The following DPP6 variants were observed in gnomAD, a reference collection of about 807,000 sequenced individuals.
The protein encoded by DPP6 is A-type potassium channel modulatory protein DPP6.
A neutral mutation model predicts 122.6 loss-of-function variants in DPP6; 69 were observed. The observed-to-expected ratio is 0.56, with a 90% CI of 0.46 to 0.69. DPP6 has a LOEUF of 0.69. Ranked by LOEUF, DPP6 falls within the 30% of genes least tolerant of loss-of-function variation. The pLI is 0.00. For synonymous variants in DPP6, 418 were observed against 433.1 expected, an observed-to-expected ratio of 0.97 and a Z score of 0.43; for missense variants, 928 against 1,116.9, an observed-to-expected ratio of 0.83 and a Z score of 2.41.
At chr7:154,766,697 A>C (rs1409785042) in intron 8 of DPP6, among the ~76,000 whole-genome samples, 1 of 152,220 alleles carries the variant, frequency 6.6e-6, no homozygotes, top group Non-Finnish European at 1.5e-5. Context: ...ACACTCTGGC[A>C]TTTGCTGATA....
At chr7:154,667,477 C>T (rs1488461366) in intron 6 of DPP6, among the ~76,000 whole-genome samples, 1 of 152,164 alleles carries the variant, frequency 6.6e-6, no homozygotes, top group Non-Finnish European at 1.5e-5. Context: ...CCTGTAATTC[C>T]AGCACTTTGG....
At position 153,966,857 on chromosome 7, in the gene DPP6, G is replaced by A. The variant is rs534543476; in HGVS notation, c.51+79123G>A. On this transcript the variant is annotated intron_variant, in intron 1 of 25. Coordinates refer to the DPP6 transcript ENST00000404039. ...TGAGACAGGCAGATCACTTGAGCTC[G>A]CAAATTCAAGTCCAGCCTGAGCAAC... Among the ~76,000 whole-genome samples the A allele has an allele frequency of 8.3e-3, 1,258 of 151,186 alleles. 9 individuals are homozygous for A. Among genetic ancestry groups the A allele is most frequent in the Non-Finnish European group, 0.015 (1,020 of 67,894 alleles).
chr7:154,000,586 G>A (rs1227779609), intron 1 of DPP6, among the ~76,000 whole-genome samples: 1 of 152,212 alleles, frequency 6.6e-6, no homozygotes, highest in African/African-American at 2.4e-5. Flanking sequence ...GAGTACAGAG[G>A]TTCCAGTCTC....
intron 5 of DPP6, among the ~76,000 whole-genome samples, chr7:154,585,438 G>C (rs1472540806): frequency 6.6e-6 from 1 of 152,182 alleles, no homozygotes; most frequent in Non-Finnish European, 1.5e-5. Flanking sequence ...AGAGAAGAAT[G>C]ACTTGCGAGG....
the DPP6 span, among the ~76,000 whole-genome samples, chr7:153,810,674 CTCTCT>C: frequency 2.0e-5 from 1 of 49,420 alleles, no homozygotes. Context: ...TCTCTCTCCT[CTCTCT>C]CTCTCTCTCT....
chr7:154,397,068 A>T (rs1253478662), intron 1 of DPP6, among the ~76,000 whole-genome samples: 1 of 151,804 alleles, frequency 6.6e-6, no homozygotes, highest in African/African-American at 2.4e-5. Context: ...TATTTTAAAT[A>T]ATCTAGTAAG....
intron 1 of DPP6, among the ~76,000 whole-genome samples, chr7:154,312,399 T>G (rs974332265): frequency 1.6e-4 from 24 of 152,268 alleles, no homozygotes; most frequent in African/African-American, 5.8e-4. Flanking sequence ...GCTGATATAA[T>G]GAAGTCTTGC....
intron 1 of DPP6, among the ~76,000 whole-genome samples, chr7:154,073,930 G>A (rs1380769329): frequency 1.3e-5 from 2 of 152,202 alleles, no homozygotes; most frequent in Non-Finnish European, 2.9e-5. Flanking sequence ...AGGTTGCAGT[G>A]AGCTGAGATT....
chr7:154,498,227 A>T (rs1179609117), intron 3 of DPP6, among the ~76,000 whole-genome samples: 1 of 152,242 alleles, frequency 6.6e-6, no homozygotes, highest in Non-Finnish European at 1.5e-5. Context: ...AGAGTGAGGT[A>T]CTTGGACTGA....
intron 1 of DPP6, among the ~76,000 whole-genome samples, chr7:153,935,920 A>G (rs1464368777): frequency 2.0e-5 from 3 of 152,198 alleles, no homozygotes; most frequent in Non-Finnish European, 4.4e-5. Context: ...TCACTCTCCA[A>G]AGGCCTGGCC....
At chr7:154,608,838 G>A (rs887149776) in intron 5 of DPP6, among the ~76,000 whole-genome samples, 6 of 151,994 alleles carry the variant, frequency 3.9e-5, no homozygotes, top group African/African-American at 1.4e-4. Context: ...TCTGAATTTG[G>A]TCACCTTTAG....
chr7:154,426,327 C>T (rs181856990), intron 1 of DPP6, among the ~76,000 whole-genome samples: 76 of 152,300 alleles, frequency 5.0e-4, no homozygotes, highest in Admixed American at 3.8e-3. Context: ...GATAGGACTA[C>T]TAGGGTCTAC....
chr7:154,597,241 G>A (rs189518022), intron 5 of DPP6, among the ~76,000 whole-genome samples: 3 of 152,054 alleles, frequency 2.0e-5, no homozygotes, highest in Non-Finnish European at 2.9e-5. Flanking sequence ...GAGACAGTGG[G>A]GGCCAGTAGG....
intron 16 of DPP6, among the ~76,000 whole-genome samples, chr7:154,832,736 T>A (rs933266215): frequency 2.6e-5 from 4 of 152,218 alleles, no homozygotes; most frequent in African/African-American, 9.6e-5. Context: ...CCTAAGTGTG[T>A]TGAACCCTAG....
intron 1 of DPP6, among the ~76,000 whole-genome samples, chr7:153,929,952 A>T (rs1801098038): frequency 6.6e-6 from 1 of 152,240 alleles, no homozygotes; most frequent in South Asian, 2.1e-4. Flanking sequence ...AGCATGATGC[A>T]GATGGCTATT....
intron 1 of DPP6, among the ~76,000 whole-genome samples, chr7:154,235,674 A>C (rs1801168456): frequency 6.6e-6 from 1 of 152,188 alleles, no homozygotes; most frequent in Non-Finnish European, 1.5e-5. Context: ...CTGTTCCAAA[A>C]GCTAGAATCC....
At chr7:154,872,737 G>A in intron 19 of DPP6, 44 bp downstream of exon 19, 2 of 1,565,542 alleles carry the variant, frequency 1.3e-6, no homozygotes, top group Admixed American at 1.9e-5. Context: ...TCGTTCTGGG[G>A]CTCCGTGACA....
intron 1 of DPP6, among the ~76,000 whole-genome samples, chr7:154,106,796 T>C (rs1806194852): frequency 6.6e-6 from 1 of 151,932 alleles, no homozygotes; most frequent in Non-Finnish European, 1.5e-5. Flanking sequence ...TTGAGACCCA[T>C]GTGGGGAGGG....
At chr7:154,811,824 A>G (rs959707584) in intron 16 of DPP6, among the ~76,000 whole-genome samples, 1 of 152,178 alleles carries the variant, frequency 6.6e-6, no homozygotes, top group Admixed American at 6.5e-5. Context: ...GAAACCTGTG[A>G]CAAAAATAAC....
Sources: gnomAD v4.1 joint callset for allele counts (sites outside exome capture counted in the v4.1 genomes callset) on GRCh38, gnomAD v4.1.1 for gene constraint, MANE v1.5 for transcripts, NCBI Gene and HGNC (gene_info 2026-07-23, HGNC 2026-07-21) for gene names.